The following GRM3 variants were observed in gnomAD, a reference collection of about 807,000 sequenced individuals.
GRM3 encodes the protein glutamate metabotropic receptor 3.
Under a neutral mutation model 70.5 loss-of-function variants are expected in GRM3, and 26 were observed. The ratio of observed to expected loss-of-function variants is 0.37; its 90% CI spans 0.27 to 0.51. The LOEUF (loss-of-function observed/expected upper bound fraction) is 0.51, where lower values mean the gene tolerates loss of function less well. GRM3 is among the 20% of genes least tolerant of loss of function. The probability of loss-of-function intolerance (pLI) is 0.93; values close to 1 mark genes in which losing one functional copy is unlikely to be tolerated. For missense variants in GRM3, 859 were observed against 1,123.8 expected (o/e 0.76, Z 3.37); for synonymous variants, 443 against 434.9 (o/e 1.02, Z -0.23).
intron 1 of GRM3, among the ~76,000 whole-genome samples, chr7:86,673,686 G>A (rs147306351): frequency 9.2e-5 from 14 of 152,062 alleles, no homozygotes; most frequent in Non-Finnish European, 2.1e-4. Context: ...ATCTATTCAA[G>A]ACATTTCACC....
At chr7:86,664,173 G>A (rs1185232101) in intron 1 of GRM3, among the ~76,000 whole-genome samples, 1 of 151,892 alleles carries the variant, frequency 6.6e-6, no homozygotes, top group East Asian at 1.9e-4. Context: ...ACCCTCACTG[G>A]AATGTGGAGA....
In GRM3 at chr7:86,718,086, C is replaced by T. The variant is rs540711988; in HGVS notation, c.-140-46920C>T. ...ATAAGCAAAATTAATGTCTTCATTG[C>T]TGAATGTGATATTTTAGCCTTTAAA... On this transcript the variant is annotated intron_variant, in intron 1 of 5. Transcript: ENST00000361669. Among the ~76,000 whole-genome samples the T allele has an allele frequency of 2.6e-5, 4 of 152,018 alleles. No homozygotes were observed. The South Asian group carries it at 8.3e-4, about 31-fold the overall frequency.
At chr7:86,814,168 T>A (rs1169460639) in intron 3 of GRM3, among the ~76,000 whole-genome samples, 1 of 151,874 alleles carries the variant, frequency 6.6e-6, no homozygotes, top group East Asian at 1.9e-4. Flanking sequence ...ACAGTCTGAA[T>A]GTACTCACCT....
At chr7:86,706,979 A>T (rs1328643806) in intron 1 of GRM3, among the ~76,000 whole-genome samples, 3 of 152,102 alleles carry the variant, frequency 2.0e-5, no homozygotes, top group South Asian at 2.1e-4. Flanking sequence ...AACATCGAAC[A>T]TATCTCTGCT....
chr7:86,860,679 T>C (rs892946307), intron 5 of GRM3, among the ~76,000 whole-genome samples: 7 of 152,230 alleles, frequency 4.6e-5, no homozygotes, highest in African/African-American at 1.7e-4. Context: ...ACAAAGTTGT[T>C]CTATTAACTT....
At chr7:86,782,109 A>G (rs1248507407) in intron 2 of GRM3, among the ~76,000 whole-genome samples, 1 of 152,164 alleles carries the variant, frequency 6.6e-6, no homozygotes, top group Non-Finnish European at 1.5e-5. Context: ...GTTCTAGAAG[A>G]TTACCAAAGC....
At chr7:86,760,459 T>A (rs1396913562) in intron 1 of GRM3, among the ~76,000 whole-genome samples, 1 of 152,098 alleles carries the variant, frequency 6.6e-6, no homozygotes, top group Admixed American at 6.6e-5. Flanking sequence ...ACTGTAGAGA[T>A]GCAATTCTCC....
chr7:86,773,186 GT>G (rs1796790621), intron 2 of GRM3, among the ~76,000 whole-genome samples: 1 of 151,932 alleles, frequency 6.6e-6, no homozygotes, highest in African/African-American at 2.4e-5. Context: ...AGTGTCTACT[GT>G]TGCCGTCTTT....
intron 1 of GRM3, among the ~76,000 whole-genome samples, chr7:86,689,778 A>G (rs1794655161): frequency 6.6e-6 from 1 of 152,200 alleles, no homozygotes; most frequent in African/African-American, 2.4e-5. Context: ...TACAATATAA[A>G]TTAGAAAATT....
At chr7:86,696,072 T>G (rs1562828908) in intron 1 of GRM3, among the ~76,000 whole-genome samples, 1 of 152,206 alleles carries the variant, frequency 6.6e-6, no homozygotes, top group Non-Finnish European at 1.5e-5. Context: ...CTCTACAAGT[T>G]AATTCCTGGC....
At chr7:86,714,109 C>T (rs1795260110) in intron 1 of GRM3, among the ~76,000 whole-genome samples, 1 of 152,002 alleles carries the variant, frequency 6.6e-6, no homozygotes, top group African/African-American at 2.4e-5. Context: ...TCCCTTACTG[C>T]TGCTCTTCCT....
chr7:86,738,855 A>T (rs1177828801), intron 1 of GRM3, among the ~76,000 whole-genome samples: 1 of 152,236 alleles, frequency 6.6e-6, no homozygotes, highest in Non-Finnish European at 1.5e-5. Context: ...AGAGCTAATT[A>T]ACATATCCAT....
At chr7:86,692,320 A>G (rs908156714) in intron 1 of GRM3, among the ~76,000 whole-genome samples, 8 of 152,202 alleles carry the variant, frequency 5.3e-5, no homozygotes, top group Non-Finnish European at 1.0e-4. Context: ...GAGTCTGTCT[A>G]CATAATCTGG....
Position 86,864,299 on chromosome 7 carries a change from G to A in GRM3, c.2584G>A (p.Val862Met), listed in dbSNP as rs746470232. Residue 862 changes from valine (V) to methionine (M), a missense_variant, in exon 6 of 6, where the codon GTG (valine) becomes ATG (methionine). Val to Met is a conservative substitution (Grantham distance 21, BLOSUM62 1). Coordinates refer to ENST00000361669, the MANE Select transcript of GRM3 (RefSeq NM_000840.3). ...TTTTCCAGCCTCTGCAAGCACGTATGTGCCAACGGTGTGCAATGGGCGGGA... is the reference window on the plus strand; with the variant it reads ...TTTTCCAGCCTCTGCAAGCACGTATATGCCAACGGTGTGCAATGGGCGGGA... ...TYSQSSASTY[V>M]PTVCNGREVL... is the part of the protein sequence containing the mutation. 1 of 1,597,440 alleles carries A rather than the reference G, an allele frequency of 6.3e-7. No individual in the cohort carries two copies. The highest frequency in any genetic ancestry group is 8.6e-7 in the Non-Finnish European group (1 of 1,164,982).
At chr7:86,645,010 G>A in intron 1 of GRM3, 138 bp downstream of exon 1, 1 of 383,096 alleles carries the variant, frequency 2.6e-6, no homozygotes, top group Non-Finnish European at 4.9e-6. Context: ...TGACTGGAGT[G>A]GGAAGGGTGG....
chr7:86,680,937 C>A (rs1376233686), intron 1 of GRM3, among the ~76,000 whole-genome samples: 1 of 152,102 alleles, frequency 6.6e-6, no homozygotes, highest in African/African-American at 2.4e-5. Context: ...AAACTAAGTT[C>A]TTTCTCTTCT....
chr7:86,831,337 A>G (rs542547865), intron 3 of GRM3, among the ~76,000 whole-genome samples: 79 of 152,336 alleles, frequency 5.2e-4, no homozygotes, highest in African/African-American at 1.8e-3. Context: ...TTAAAACTCA[A>G]TGAAAATTTT....
chr7:86,848,038 C>A (rs987200947), intron 4 of GRM3, among the ~76,000 whole-genome samples: 1 of 152,164 alleles, frequency 6.6e-6, no homozygotes, highest in Non-Finnish European at 1.5e-5. Context: ...TATTCAAACA[C>A]CAAATGTTCA....
intron 1 of GRM3, among the ~76,000 whole-genome samples, chr7:86,729,881 G>A (rs1190828332): frequency 6.6e-6 from 1 of 152,120 alleles, no homozygotes; most frequent in Non-Finnish European, 1.5e-5. Flanking sequence ...GCTGAGGTGG[G>A]TGGATCATGA....
Sources: gnomAD v4.1 joint callset for allele counts (sites outside exome capture counted in the v4.1 genomes callset) on GRCh38, gnomAD v4.1.1 for gene constraint, MANE v1.5 for transcripts, NCBI Gene and HGNC (gene_info 2026-07-23, HGNC 2026-07-21) for gene names.